PCSK6: variants seen among roughly 807,000 people sequenced by gnomAD.
The protein encoded by PCSK6 is proprotein convertase subtilisin/kexin type 6.
In PCSK6, 85 loss-of-function variants were observed where a neutral mutation model predicts 123.3. The observed-to-expected ratio is 0.69, with a 90% CI of 0.58 to 0.83. The LOEUF is 0.83. Among genes scored for constraint, PCSK6 ranks in the 40% least tolerant of loss-of-function variants. The pLI, the probability that PCSK6 is intolerant of heterozygous loss-of-function variation, is 0.00. For missense variants in PCSK6, 1,191 were observed against 1,282.3 expected (o/e 0.93, Z 1.09); for synonymous variants, 508 against 516.0 (o/e 0.98, Z 0.21).
chr15:101,403,276 TGGGGGGA>T (rs1168932898), intron 6 of PCSK6, among the ~76,000 whole-genome samples: 1 of 53,346 alleles, frequency 1.9e-5, no homozygotes, highest in Non-Finnish European at 3.3e-5. Flanking sequence ...TGTTGTGGGG[TGGGGGGA>T]GGGGGGAGGG....
intron 6 of PCSK6, among the ~76,000 whole-genome samples, chr15:101,425,202 G>A (rs1231429067): frequency 1.3e-5 from 2 of 152,200 alleles, no homozygotes; most frequent in Non-Finnish European, 2.9e-5. Context: ...TCGAGGACAT[G>A]AGGTGGAGCT....
chr15:101,438,706 G>A (rs369549841), intron 2 of PCSK6, among the ~76,000 whole-genome samples: 39 of 152,322 alleles, frequency 2.6e-4, no homozygotes, highest in African/African-American at 7.9e-4. Flanking sequence ...CTCCCCTGCC[G>A]ACTCTGTCTG....
chr15:101,380,577 C>T (rs1387384699), intron 11 of PCSK6, among the ~76,000 whole-genome samples: 2 of 152,234 alleles, frequency 1.3e-5, no homozygotes, highest in Non-Finnish European at 2.9e-5. Context: ...AGGTGTCTGG[C>T]CGACCTGTCG....
intron 18 of PCSK6, among the ~76,000 whole-genome samples, chr15:101,319,692 A>C (rs2040072417): frequency 2.0e-5 from 3 of 152,166 alleles, no homozygotes; most frequent in Admixed American, 2.0e-4. Flanking sequence ...CTCCATAAAA[A>C]CCCAAAAGGT....
chr15:101,421,507 A>C (rs2056084169), intron 6 of PCSK6, among the ~76,000 whole-genome samples: 1 of 152,232 alleles, frequency 6.6e-6, no homozygotes, highest in Non-Finnish European at 1.5e-5. Flanking sequence ...AGGTCATAAA[A>C]GACATTGCTG....
intron 19 of PCSK6, among the ~76,000 whole-genome samples, chr15:101,315,334 C>T (rs1000959692): frequency 6.6e-6 from 1 of 152,178 alleles, no homozygotes; most frequent in African/African-American, 2.4e-5. Flanking sequence ...TTCTAAGCGA[C>T]CTATTTTCTC....
chr15:101,397,922 G>A (rs1239912792), intron 7 of PCSK6, among the ~76,000 whole-genome samples: 2 of 152,358 alleles, frequency 1.3e-5, no homozygotes, highest in East Asian at 1.9e-4. Flanking sequence ...TGGGCTGTGC[G>A]CTGGTGGGGG....
chr15:101,432,332 C>T (rs1004536866), intron 2 of PCSK6, among the ~76,000 whole-genome samples: 1 of 151,724 alleles, frequency 6.6e-6, no homozygotes, highest in Non-Finnish European at 1.5e-5. Context: ...ATTTTGAAGT[C>T]GTTGTACTAA....
rs1444439274 is a variant in PCSK6 at position 101,427,912 on chromosome 15, G to A, written c.803C>T (p.Ala268Val). 2.5e-6 allele frequency: 4 copies of A among 1,583,228 alleles called. No homozygotes were observed. The highest frequency in any genetic ancestry group is 3.4e-6 in the Non-Finnish European group (4 of 1,164,434). Residue 268 changes from alanine to valine, a missense_variant, in exon 6 of 22, where the codon GCG becomes GTG. By Grantham distance (64) the Ala-to-Val change is moderately conservative. This residue lies in a region of PCSK6 where 357 missense variants were observed against 484.5 expected (regional missense o/e 0.74). Coordinates refer to ENST00000611716, the MANE Select transcript of PCSK6 (RefSeq NM_002570.5). ...ANNSYCIVGI[A>V]YNAKIGGIRM... ...CTTACCTCCTATTTTGGCATTGTAC[G>A]CTATGCCCACGATGCAGTAGGAATT...
At chr15:101,429,844 G>A in intron 5 of PCSK6, 143 bp downstream of exon 5, 2 of 685,886 alleles carry the variant, frequency 2.9e-6, no homozygotes, top group Non-Finnish European at 5.1e-6. Context: ...CATGGCCTGT[G>A]ACTCCTGGAG....
intron 1 of PCSK6, among the ~76,000 whole-genome samples, chr15:101,451,569 G>A (rs560183970): frequency 1.3e-5 from 2 of 150,614 alleles, no homozygotes; most frequent in South Asian, 2.1e-4. Context: ...AAAAAAAACT[G>A]TACTTTATCA....
intron 1 of PCSK6, among the ~76,000 whole-genome samples, chr15:101,467,172 G>T (rs8032086): frequency 0.025 from 3,804 of 152,026 alleles, 176 homozygotes; most frequent in African/African-American, 0.085. Flanking sequence ...TTCATATGCC[G>T]TATATGTACA....
chr15:101,458,925 C>G (rs1354218265), intron 1 of PCSK6, among the ~76,000 whole-genome samples: 2 of 152,150 alleles, frequency 1.3e-5, no homozygotes, highest in Admixed American at 1.3e-4. Context: ...TTTAACCACC[C>G]CGACATCCCG....
chr15:101,394,673 G>A lies in PCSK6; in HGVS notation c.997-1249C>T, dbSNP rs544987569. ...CTTACACACCAATTCTGCAATCCCC[G>A]TAGAGCCAAATTGAAGCCTGCTGCT... On this transcript the variant is annotated intron_variant, in intron 7 of 21. Coordinates refer to ENST00000611716, the MANE Select transcript of PCSK6 (RefSeq NM_002570.5). Among the ~76,000 whole-genome samples the A allele has an allele frequency of 1.0e-3, 157 of 152,302 alleles. 1 individual carries two copies. Among genetic ancestry groups the A allele is most frequent in the African/African-American group, 3.0e-3 (123 of 41,564 alleles).
At chr15:101,419,727 G>A (rs566483155) in intron 6 of PCSK6, among the ~76,000 whole-genome samples, 1 of 151,954 alleles carries the variant, frequency 6.6e-6, no homozygotes, top group East Asian at 1.9e-4. Flanking sequence ...GCGTGGTATT[G>A]TTAGGGCTTA....
At chr15:101,370,876 T>C (rs1047460339) in intron 11 of PCSK6, among the ~76,000 whole-genome samples, 17 of 152,308 alleles carry the variant, frequency 1.1e-4, no homozygotes, top group African/African-American at 4.1e-4. Context: ...TGGGCAGTGC[T>C]GTGGGGTGCA....
At chr15:101,362,044 C>A (rs1351113135) in intron 13 of PCSK6, among the ~76,000 whole-genome samples, 1 of 151,078 alleles carries the variant, frequency 6.6e-6, no homozygotes, top group Non-Finnish European at 1.5e-5. Context: ...GCAAGCTCCA[C>A]CTCCCAGGTT....
chr15:101,389,847 T>G (rs2042172976), intron 8 of PCSK6, among the ~76,000 whole-genome samples: 1 of 152,106 alleles, frequency 6.6e-6, no homozygotes, highest in Admixed American at 6.5e-5. Context: ...CCCTCTCTAC[T>G]GCAGAAGCGC....
intron 1 of PCSK6, among the ~76,000 whole-genome samples, chr15:101,463,711 A>G (rs2057390187): frequency 6.6e-6 from 1 of 152,166 alleles, no homozygotes; most frequent in African/African-American, 2.4e-5. Flanking sequence ...CACAGCATTC[A>G]TGATTATACA....
Sources: allele counts gnomAD v4.1 joint callset (sites outside exome capture counted in the v4.1 genomes callset), GRCh38; gene constraint gnomAD v4.1.1; regional missense constraint gnomAD v4.1.1; transcripts MANE v1.5; gene names NCBI Gene and HGNC (gene_info 2026-07-23, HGNC 2026-07-21).